SDF2: variants seen among roughly 807,000 people sequenced by gnomAD.
SDF2 encodes stromal cell-derived factor 2.
SDF2 carries 12 observed loss-of-function variants against 20.5 expected under a neutral mutation model. The ratio of observed to expected loss-of-function variants is 0.58; its 90% CI spans 0.37 to 0.95. The LOEUF (loss-of-function observed/expected upper bound fraction) is 0.95. SDF2 is among the 40% of genes least tolerant of loss of function. The pLI, the probability that SDF2 is intolerant of heterozygous loss-of-function variation, is 0.01. For synonymous variants in SDF2, 100 were observed against 101.0 expected, an observed-to-expected ratio of 0.99 and a Z score of 0.06; for missense variants, 238 against 263.1, an observed-to-expected ratio of 0.90 and a Z score of 0.66.
chr17:28,659,222 G>A, intron 1 of SDF2, among the ~76,000 whole-genome samples: 1 of 135,788 alleles, frequency 7.4e-6, no homozygotes, highest in African/African-American at 2.8e-5. Context: ...TGGCGGCCAG[G>A]CAGAGGCGCT....
intron 1 of SDF2, among the ~76,000 whole-genome samples, chr17:28,658,095 C>G (rs543370903): frequency 1.3e-5 from 2 of 152,286 alleles, no homozygotes; most frequent in South Asian, 4.1e-4. Flanking sequence ...CCTTACAGCT[C>G]TCTGGGTCCT....
intron 2 of SDF2, among the ~76,000 whole-genome samples, chr17:28,653,879 G>C (rs2071934088): frequency 6.6e-6 from 1 of 152,158 alleles, no homozygotes; most frequent in Non-Finnish European, 1.5e-5. Context: ...TAATAAAACT[G>C]TATCAATATT....
chr17:28,656,572 A>T (rs2071964687), intron 1 of SDF2, among the ~76,000 whole-genome samples: 1 of 152,080 alleles, frequency 6.6e-6, no homozygotes. Context: ...TGGATGACAG[A>T]GCCAGACTCC....
At chr17:28,661,611 C>CT in intron 1 of SDF2, 115 bp downstream of exon 1, 1 of 1,158,784 alleles carries the variant, frequency 8.6e-7, no homozygotes, top group South Asian at 1.4e-5. Flanking sequence ...CCTGAGGAAC[C>CT]TTCCCAGGGA....
At position 28,649,267 on chromosome 17, in the gene SDF2, C is replaced by T. The variant is rs2071892013; in HGVS notation, c.358G>A (p.Ala120Thr). 1 of 1,613,606 alleles carries T rather than the reference C, an allele frequency of 6.2e-7. No homozygotes were observed. The highest frequency in any genetic ancestry group is 8.5e-7 in the Non-Finnish European group (1 of 1,179,838). Residue 120 changes from alanine to threonine, a missense_variant, in exon 3 of 3, where the codon GCT becomes ACT. Physicochemically the swap from Ala to Thr is moderately conservative, Grantham distance 58. Coordinates refer to ENST00000247020, the MANE Select transcript of SDF2 (RefSeq NM_006923.4). Reference sequence around the variant, plus strand: ...TCACCTTCACCTTCCTCACCAAAAGCACTCACTTCCTAGAAAATACAGAAG... The same window carrying T: ...TCACCTTCACCTTCCTCACCAAAAGTACTCACTTCCTAGAAAATACAGAAG... ...SPLSGNQEVS[A>T]FGEEGEGDYL...
At position 28,649,232 on chromosome 17, in the gene SDF2, A is replaced by G; in HGVS notation, c.393T>C (p.Asp131=). 1 of 1,614,210 alleles carries G rather than the reference A, an allele frequency of 6.2e-7. No homozygotes were observed. Among genetic ancestry groups the G allele is most frequent in the Non-Finnish European group, 8.5e-7 (1 of 1,180,040 alleles). Residue 131 remains aspartate (D), a synonymous_variant, in exon 3 of 3, where the codon GAT becomes GAC. Transcript: ENST00000247020. Reference sequence around the variant, plus strand: ...GTCCATTACAGAGCACTGTCCAGTCATCCAGATAATCACCTTCACCTTCCT... The same window carrying G: ...GTCCATTACAGAGCACTGTCCAGTCGTCCAGATAATCACCTTCACCTTCCT... ...FGEEGEGDYL[D]DWTVLCNGPY...
At position 28,656,583 on chromosome 17, in the gene SDF2, G is replaced by A. The variant is rs890418840; in HGVS notation, c.152-1100C>T. On this transcript the variant is annotated intron_variant, in intron 1 of 2. Coordinates refer to ENST00000247020, the MANE Select transcript of SDF2 (RefSeq NM_006923.4). ...AGCCTGGATGACAGAGCCAGACTCC[G>A]TCTCAAAAAAAATAAATAAATAAAC... is the stretch of plus-strand genomic sequence containing the variant. 5.3e-5 allele frequency among the ~76,000 whole-genome samples: 8 copies of A among 151,932 alleles called. No homozygotes were observed. In the South Asian group the frequency reaches 1.2e-3, roughly 24 times the overall value.
chr17:28,661,233 G>C, intron 1 of SDF2: 1 of 442,702 alleles, frequency 2.3e-6, no homozygotes, highest in South Asian at 1.6e-5. Context: ...GGAAGACAAA[G>C]GGTTGTAGTC....
rs1460376905 is a variant in SDF2, at chr17:28,649,073, C to G, written c.552G>C (p.Gln184His). The change falls in exon 3 of 3, where the codon CAG becomes CAC. Residue 184 changes from glutamine (Q) to histidine (H), a missense_variant. Transcript: ENST00000247020. ...KEVHGMAQPS[Q>H]NNYWKAMEGI... ...CTTCCATGGCTTTCCAGTAGTTGTTCTGACTTGGCTGGGCCATGCCATGCA... is the reference window on the plus strand; with the variant it reads ...CTTCCATGGCTTTCCAGTAGTTGTTGTGACTTGGCTGGGCCATGCCATGCA... The G allele has an allele frequency of 1.2e-6, 2 of 1,614,130 alleles. No individual in the cohort carries two copies. The highest frequency in any genetic ancestry group is 2.2e-5 in the East Asian group (1 of 44,900).
chr17:28,655,178 AC>A, intron 2 of SDF2, 108 bp downstream of exon 2: 1 of 1,072,096 alleles, frequency 9.3e-7, no homozygotes, highest in Non-Finnish European at 1.4e-6. Flanking sequence ...CCAGGTCTGC[AC>A]AAAAGAGAAC....
intron 1 of SDF2, among the ~76,000 whole-genome samples, chr17:28,660,056 C>T (rs1023602006): frequency 5.3e-5 from 8 of 152,214 alleles, no homozygotes; most frequent in Non-Finnish European, 7.3e-5. Context: ...CCAGCCAACA[C>T]GGCGAAACCC....
At chr17:28,655,748 T>A in intron 1 of SDF2, 1 of 529,466 alleles carries the variant, frequency 1.9e-6, no homozygotes, top group Non-Finnish European at 3.4e-6. Flanking sequence ...CGTGCTTGCA[T>A]CCAAATGTGA....
At chr17:28,662,097 C>CT (rs1456729408), upstream of SDF2, 6 of 452,822 alleles carry the variant, frequency 1.3e-5, no homozygotes, top group African/African-American at 9.8e-5. Flanking sequence ...TCCTGAGCCG[C>CT]TTCGGTTACC....
chr17:28,655,549 CT>C (rs2071954600), intron 1 of SDF2, 66 bp from the exon 2 acceptor site: 7 of 1,383,134 alleles, frequency 5.1e-6, no homozygotes, highest in Non-Finnish European at 6.9e-6. Flanking sequence ...GAGACAGAAG[CT>C]TGAGTGCGCT....
intron 1 of SDF2, chr17:28,660,675 AATT>A (rs1470281628): frequency 6.6e-6 from 1 of 152,666 alleles, no homozygotes; most frequent in Non-Finnish European, 1.5e-5. Context: ...TGGGTGCTAG[AATT>A]ATTAAGACAT....
chr17:28,657,031 A>G (rs2071969380), intron 1 of SDF2, among the ~76,000 whole-genome samples: 1 of 152,136 alleles, frequency 6.6e-6, no homozygotes, highest in Non-Finnish European at 1.5e-5. Context: ...GTTCGAGACC[A>G]GCCTGGCCAA....
chr17:28,650,264 T>C (rs1293470924), intron 2 of SDF2, among the ~76,000 whole-genome samples: 2 of 151,982 alleles, frequency 1.3e-5, no homozygotes, highest in Non-Finnish European at 2.9e-5. Context: ...TCCAGTGTTG[T>C]TTAAACCATG....
At chr17:28,657,723 GAAA>G (rs2071977636) in intron 1 of SDF2, 1 of 151,662 alleles carries the variant, frequency 6.6e-6, no homozygotes, top group Admixed American at 6.6e-5. Flanking sequence ...ATATTTAAAA[GAAA>G]AAAAAGAAGC....
chr17:28,661,933 C>A, upstream of SDF2: 1 of 1,571,086 alleles, frequency 6.4e-7, no homozygotes, highest in East Asian at 2.3e-5. Context: ...CTCCCCGGAA[C>A]CGGAAGCTAA....
Sources: allele counts gnomAD v4.1 joint callset (sites outside exome capture counted in the v4.1 genomes callset), GRCh38; gene constraint gnomAD v4.1.1; transcripts MANE v1.5; gene names NCBI Gene and HGNC (gene_info 2026-07-23, HGNC 2026-07-21).